The following OR2A25 variants were observed in gnomAD, a reference collection of about 807,000 sequenced individuals.
OR2A25 encodes olfactory receptor family 2 subfamily A member 25.
For missense variants in OR2A25, 362 were observed against 368.3 expected, an observed-to-expected ratio of 0.98 and a Z score of 0.14; for synonymous variants, 162 against 148.1, an observed-to-expected ratio of 1.09 and a Z score of -0.68.
At position 144,074,745 on chromosome 7, in the gene OR2A25, T is replaced by C. The variant is rs2051097827; in HGVS notation, c.526T>C (p.Phe176Leu). The part of the protein sequence containing the change: ...SFCGPQKLNH[F>L]FCEIMAVLKL... ...CTGTGGACCCCAGAAACTTAATCAC[T>C]TTTTCTGTGAAATTATGGCTGTTCT... Residue 176 changes from phenylalanine to leucine, a missense_variant, in exon 2 of 2, where the codon TTT becomes CTT. By Grantham distance (22) the Phe-to-Leu change is conservative. Transcript: ENST00000641663. 6.2e-7 allele frequency: 1 copy of C among 1,614,130 alleles called. No homozygotes were observed. Among genetic ancestry groups the C allele is most frequent in the Non-Finnish European group, 8.5e-7 (1 of 1,179,976 alleles).
chr7:144,074,432 C>T lies in OR2A25; in HGVS notation c.213C>T (p.Ala71=). 1 of 1,614,228 alleles carries T rather than the reference C, an allele frequency of 6.2e-7. No individual in the cohort carries two copies. The highest frequency in any genetic ancestry group is 8.5e-7 in the Non-Finnish European group (1 of 1,180,044). Residue 71 remains alanine, a synonymous_variant, in exon 2 of 2, where the codon GCC becomes GCT. Transcript: ENST00000641663. ...FLSHLAVVDI[A]CACSTVPQML... ...CACACCTGGCGGTCGTCGACATCGC[C>T]TGTGCTTGCAGCACGGTGCCCCAGA...
At chr7:144,071,872 T>TC (rs1473893911) in intron 1 of OR2A25, among the ~76,000 whole-genome samples, 7 of 152,110 alleles carry the variant, frequency 4.6e-5, no homozygotes. Flanking sequence ...GACCACTGAA[T>TC]CCTATTGTTG....
rs1458202443 is a variant in OR2A25 at position 144,074,332 on chromosome 7, T to C, written c.113T>C (p.Leu38Pro). Residue 38 changes from leucine to proline, a missense_variant, in exon 2 of 2, where the codon CTG (leucine) becomes CCG (proline). Physicochemically the swap from Leu to Pro is moderately conservative, Grantham distance 98 (BLOSUM62 -3). Coordinates refer to ENST00000641663, the MANE Select transcript of OR2A25 (RefSeq NM_001386096.1). ...GLFSLFYIFILLGNGTILGLI... is the reference protein window; with the variant it reads ...GLFSLFYIFIPLGNGTILGLI... ...TTCTCCCTGTTCTACATCTTCATTC[T>C]GTTGGGGAACGGGACAATCCTGGGG... 6.2e-7 allele frequency: 1 copy of C among 1,614,058 alleles called. No homozygotes were observed. The highest frequency in any genetic ancestry group is 1.1e-5 in the South Asian group (1 of 91,076).
chr7:144,073,630 T>C (rs1487438260), intron 1 of OR2A25, among the ~76,000 whole-genome samples: 1 of 152,154 alleles, frequency 6.6e-6, no homozygotes, highest in African/African-American at 2.4e-5. Flanking sequence ...CACAAAGATC[T>C]CTGTTTAAAT....
At chr7:144,074,144 T>C (rs952322030) in intron 1 of OR2A25, 72 bp from the exon 2 acceptor site, 1 of 1,311,200 alleles carries the variant, frequency 7.6e-7, no homozygotes. Context: ...AACAATAATA[T>C]GTACAGTTGC....
At position 144,075,841 on chromosome 7, in the gene OR2A25, AAAAG is replaced by A. The variant is rs1232512736; in HGVS notation, c.*694_*697del. On this transcript the variant is annotated 3_prime_UTR_variant, in exon 2 of 2. Coordinates refer to ENST00000641663, the MANE Select transcript of OR2A25 (RefSeq NM_001386096.1). The stretch of plus-strand genomic sequence containing the variant: ...GCGAGACTCCGTCTCAAAAAAAAAA[AAAAG>A]AAAGTGTCATATTTAGGCCAGGCGT... 1 of 149,212 alleles carries A rather than the reference AAAAG, an allele frequency of 6.7e-6. No individual in the cohort carries two copies. Among genetic ancestry groups the A allele is most frequent in the Non-Finnish European group, 1.5e-5 (1 of 67,506 alleles). The allele number at this position is 149,212 out of a possible 1,614,324, so 9.2% of individuals were successfully genotyped here.
rs776724663 is a variant in OR2A25, at chr7:144,074,738, T to G, written c.519T>G (p.Leu173=). 6.2e-7 allele frequency: 1 copy of G among 1,614,194 alleles called. No individual in the cohort carries two copies. Among genetic ancestry groups the G allele is most frequent in the Non-Finnish European group, 8.5e-7 (1 of 1,180,040 alleles). Residue 173 remains leucine (L), a synonymous_variant, in exon 2 of 2, where the codon CTT becomes CTG. Transcript: ENST00000641663. ...LPLSFCGPQK[L]NHFFCEIMAV... ...TGTCCTTCTGTGGACCCCAGAAACT[T>G]AATCACTTTTTCTGTGAAATTATGG...
At position 144,074,758 on chromosome 7, in the gene OR2A25, T is replaced by G; in HGVS notation, c.539T>G (p.Ile180Ser). Residue 180 changes from isoleucine (I) to serine (S), a missense_variant, in exon 2 of 2, where the codon ATT (isoleucine) becomes AGT (serine). Transcript: ENST00000641663. ...PQKLNHFFCE[I>S]MAVLKLACAD... ...AAACTTAATCACTTTTTCTGTGAAA[T>G]TATGGCTGTTCTCAAACTTGCCTGT... 7 of 1,614,238 alleles carry G rather than the reference T, an allele frequency of 4.3e-6. No homozygotes were observed. The highest frequency in any genetic ancestry group is 5.9e-6 in the Non-Finnish European group (7 of 1,180,044).
rs369040343 is a variant in OR2A25, at chr7:144,074,423, C to T, written c.204C>T (p.Val68=). ...MYFFLSHLAV[V]DIACACSTVP... ...TCTTCCTCTCACACCTGGCGGTCGTCGACATCGCCTGTGCTTGCAGCACGG... is the reference window on the plus strand; with the variant it reads ...TCTTCCTCTCACACCTGGCGGTCGTTGACATCGCCTGTGCTTGCAGCACGG... Residue 68 remains valine (V), a synonymous_variant, in exon 2 of 2, where the codon GTC becomes GTT. Coordinates refer to ENST00000641663, the MANE Select transcript of OR2A25 (RefSeq NM_001386096.1). The T allele has an allele frequency of 5.2e-5, 84 of 1,614,194 alleles. No homozygotes were observed. In the African/African-American group the frequency reaches 8.4e-4, roughly 16 times the overall value.
Position 144,074,786 on chromosome 7 carries a change from G to A in OR2A25, c.567G>A (p.Ala189=), listed in dbSNP as rs753700403. The A allele has an allele frequency of 2.2e-5, 35 of 1,614,092 alleles. No individual in the cohort carries two copies. Among genetic ancestry groups the A allele is most frequent in the Admixed American group, 3.3e-5 (2 of 60,022 alleles). Residue 189 remains alanine (A), a synonymous_variant, in exon 2 of 2, where the codon GCG becomes GCA. Transcript: ENST00000641663. ...TGGCTGTTCTCAAACTTGCCTGTGC[G>A]GATACCCACATTAATGAGGTAATGG... is the stretch of plus-strand genomic sequence containing the variant. The part of the protein sequence containing the change: ...EIMAVLKLAC[A]DTHINEVMVL...
intron 1 of OR2A25, among the ~76,000 whole-genome samples, chr7:144,071,230 G>A (rs937301050): frequency 3.0e-4 from 45 of 151,888 alleles, no homozygotes; most frequent in Non-Finnish European, 2.8e-4. Context: ...GAGTTCAATT[G>A]TTTTGATTTT....
intron 1 of OR2A25, among the ~76,000 whole-genome samples, chr7:144,073,619 A>AC (rs1224066267): frequency 3.9e-5 from 6 of 152,174 alleles, no homozygotes; most frequent in African/African-American, 7.2e-5. Flanking sequence ...AAAAGTCAAG[A>AC]CACAAAGATC....
chr7:144,074,213 C>T lies in OR2A25; in HGVS notation c.-4-3C>T. 1 of 1,611,434 alleles carries T rather than the reference C, an allele frequency of 6.2e-7. No homozygotes were observed. The highest frequency in any genetic ancestry group is 8.5e-7 in the Non-Finnish European group (1 of 1,178,584). Reference sequence around the variant, plus strand: ...CTTGGTGAGCTCCTTGTTTCTTCTACAGGGAAATGGGGGGAAATCAGACTT... The same window carrying T: ...CTTGGTGAGCTCCTTGTTTCTTCTATAGGGAAATGGGGGGAAATCAGACTT... On this transcript the variant is annotated splice_polypyrimidine_tract_variant and splice_region_variant and intron_variant, in intron 1 of 1. Coordinates refer to ENST00000641663, the MANE Select transcript of OR2A25 (RefSeq NM_001386096.1).
At chr7:144,070,883 G>C (rs1443653909) in intron 1 of OR2A25, among the ~76,000 whole-genome samples, 1 of 151,782 alleles carries the variant, frequency 6.6e-6, no homozygotes, top group African/African-American at 2.4e-5. Context: ...GAGATGTTTT[G>C]ATACAGGCAC....
At chr7:144,070,350 C>A (rs2051056259) in intron 1 of OR2A25, 1 of 152,078 alleles carries the variant, frequency 6.6e-6, no homozygotes, top group Non-Finnish European at 1.5e-5. Flanking sequence ...CTCATATCCA[C>A]CTTGTTTTCT....
chr7:144,070,672 G>A (rs2051059069), intron 1 of OR2A25, among the ~76,000 whole-genome samples: 1 of 151,840 alleles, frequency 6.6e-6, no homozygotes, highest in African/African-American at 2.4e-5. Context: ...AAATTAAGTA[G>A]TGGTTTTATA....
At chr7:144,069,982 T>G (rs2128799764) in intron 1 of OR2A25, 86 bp downstream of exon 1, 1 of 152,210 alleles carries the variant, frequency 6.6e-6, no homozygotes, top group Middle Eastern at 3.4e-3. Context: ...TGGAAGTAAT[T>G]GTATTCCTGC....
chr7:144,072,697 C>T lies in OR2A25; in HGVS notation c.-4-1519C>T, dbSNP rs534168006. 2.6e-5 allele frequency among the ~76,000 whole-genome samples: 4 copies of T among 151,984 alleles called. No homozygotes were observed. The East Asian group carries it at 7.7e-4, about 29-fold the overall frequency. On this transcript the variant is annotated intron_variant, in intron 1 of 1. Transcript: ENST00000641663. ...GAATATAGCAGAATTTTAGAAATTT[C>T]CAAATGCAACTAAATAAATCATATG...
chr7:144,074,728 C>G lies in OR2A25; in HGVS notation c.509C>G (p.Pro170Arg), dbSNP rs200478538. ...VLLLPLSFCG[P>R]QKLNHFFCEI... ...CTGCTACCACTGTCCTTCTGTGGAC[C>G]CCAGAAACTTAATCACTTTTTCTGT... is the stretch of plus-strand genomic sequence containing the variant. Residue 170 changes from proline (P) to arginine (R), a missense_variant, in exon 2 of 2, where the codon CCC becomes CGC. Coordinates refer to ENST00000641663, the MANE Select transcript of OR2A25 (RefSeq NM_001386096.1). 7.4e-6 allele frequency: 12 copies of G among 1,614,092 alleles called. No individual in the cohort carries two copies. In the East Asian group the frequency reaches 1.8e-4, roughly 24 times the overall value.
Sources: gnomAD v4.1 joint callset for allele counts (sites outside exome capture counted in the v4.1 genomes callset) on GRCh38, gnomAD v4.1.1 for gene constraint, MANE v1.5 for transcripts, NCBI Gene and HGNC (gene_info 2026-07-23, HGNC 2026-07-21) for gene names.